Variants in CSNK2A2IP observed in about 807,000 individuals in gnomAD.
The protein encoded by CSNK2A2IP is casein kinase 2 subunit alpha' interacting protein.
chr3:88,455,237 G>A, the CSNK2A2IP span, among the ~76,000 whole-genome samples: 8 of 152,050 alleles, frequency 5.3e-5, no homozygotes, highest in South Asian at 1.7e-3. Context: ...ATACCTAGAA[G>A]TGGAATTGCT....
chr3:88,398,765 G>T, the CSNK2A2IP span, among the ~76,000 whole-genome samples: 1 of 152,120 alleles, frequency 6.6e-6, no homozygotes, highest in Non-Finnish European at 1.5e-5. Flanking sequence ...TTCAACAGGA[G>T]CCTTATATAG....
At chr3:88,423,220 T>A in the CSNK2A2IP span, among the ~76,000 whole-genome samples, 1 of 152,222 alleles carries the variant, frequency 6.6e-6, no homozygotes, top group Non-Finnish European at 1.5e-5. Flanking sequence ...TATCATTTTT[T>A]AAATTCATTG....
At chr3:88,354,462 T>C in the CSNK2A2IP span, among the ~76,000 whole-genome samples, 12 of 152,214 alleles carry the variant, frequency 7.9e-5, no homozygotes, top group African/African-American at 2.9e-4. Context: ...AACAGAAGCA[T>C]AAAGGTTGAG....
At chr3:88,406,688 G>A in the CSNK2A2IP span, among the ~76,000 whole-genome samples, 2 of 152,120 alleles carry the variant, frequency 1.3e-5, no homozygotes, top group South Asian at 2.1e-4. Flanking sequence ...ATAAAATTGT[G>A]TATCTTTCTT....
At chr3:88,396,557 C>T in the CSNK2A2IP span, among the ~76,000 whole-genome samples, 1 of 152,110 alleles carries the variant, frequency 6.6e-6, no homozygotes, top group African/African-American at 2.4e-5. Context: ...CTATCCACAA[C>T]AAGGAACATG....
At chr3:88,416,494 C>A in the CSNK2A2IP span, among the ~76,000 whole-genome samples, 2 of 152,120 alleles carry the variant, frequency 1.3e-5, no homozygotes, top group Non-Finnish European at 2.9e-5. Flanking sequence ...TTCAGATAAA[C>A]AGATCAGATG....
At chr3:88,457,751 A>AAATAAAATC in the CSNK2A2IP span, among the ~76,000 whole-genome samples, 47 of 148,208 alleles carry the variant, frequency 3.2e-4, no homozygotes, top group Non-Finnish European at 3.0e-4. Context: ...AAAATAAAAT[A>AAATAAAATC]AAATCTAGTA....
At chr3:88,429,434 T>G in the CSNK2A2IP span, among the ~76,000 whole-genome samples, 1 of 152,220 alleles carries the variant, frequency 6.6e-6, no homozygotes, top group Non-Finnish European at 1.5e-5. Context: ...ATTCTGTGGC[T>G]CTTCTCTGTC....
the CSNK2A2IP span, among the ~76,000 whole-genome samples, chr3:88,429,053 C>A: frequency 6.7e-6 from 1 of 150,192 alleles, no homozygotes; most frequent in Non-Finnish European, 1.5e-5. Flanking sequence ...TAACACAATT[C>A]TTTTAACAAT....
At chr3:88,432,642 T>TA in the CSNK2A2IP span, among the ~76,000 whole-genome samples, 8 of 151,458 alleles carry the variant, frequency 5.3e-5, no homozygotes, top group African/African-American at 1.9e-4. Context: ...AAAATAGCTA[T>TA]AAAAACAATT....
the CSNK2A2IP span, among the ~76,000 whole-genome samples, chr3:88,359,680 T>C: frequency 6.6e-6 from 1 of 152,198 alleles, no homozygotes; most frequent in Non-Finnish European, 1.5e-5. Flanking sequence ...TTTCCAAAGT[T>C]CTTCTTGTTA....
the CSNK2A2IP span, among the ~76,000 whole-genome samples, chr3:88,421,344 T>TC: frequency 1.3e-5 from 2 of 152,148 alleles, no homozygotes; most frequent in Non-Finnish European, 2.9e-5. Context: ...CAGCACTGCC[T>TC]CCCATATGCA....
At chr3:88,379,298 G>A in the CSNK2A2IP span, among the ~76,000 whole-genome samples, 630 of 152,076 alleles carry the variant, frequency 4.1e-3, 6 homozygotes, top group Non-Finnish European at 5.9e-3. Context: ...CAGAATAAAC[G>A]CCTTGTCAAA....
At chr3:88,416,194 C>G in the CSNK2A2IP span, among the ~76,000 whole-genome samples, 1 of 151,068 alleles carries the variant, frequency 6.6e-6, no homozygotes, top group African/African-American at 2.4e-5. Flanking sequence ...AAGCTTGAAC[C>G]TGGGAGATGG....
At chr3:88,389,177 G>A in the CSNK2A2IP span, among the ~76,000 whole-genome samples, 2 of 151,846 alleles carry the variant, frequency 1.3e-5, no homozygotes, top group African/African-American at 2.4e-5. Flanking sequence ...ATTGGGTAAA[G>A]CTACAATTTA....
chr3:88,458,477 A>G, the CSNK2A2IP span, among the ~76,000 whole-genome samples: 2 of 151,870 alleles, frequency 1.3e-5, no homozygotes, highest in Non-Finnish European at 2.9e-5. Flanking sequence ...CTTTATCTGT[A>G]TGGCCAAATG....
At chr3:88,361,191 T>C in the CSNK2A2IP span, among the ~76,000 whole-genome samples, 1 of 152,170 alleles carries the variant, frequency 6.6e-6, no homozygotes, top group Non-Finnish European at 1.5e-5. Flanking sequence ...GTGTATTTAC[T>C]TTTACCAGTG....
the CSNK2A2IP span, among the ~76,000 whole-genome samples, chr3:88,389,311 C>G: frequency 6.6e-6 from 1 of 151,624 alleles, no homozygotes; most frequent in Admixed American, 6.6e-5. Flanking sequence ...AATGCTTCAT[C>G]AGGAGGAAGA....
chr3:88,445,494 A>T, the CSNK2A2IP span, among the ~76,000 whole-genome samples: 1 of 152,170 alleles, frequency 6.6e-6, no homozygotes, highest in Non-Finnish European at 1.5e-5. Flanking sequence ...ATTTTGTTAG[A>T]ACTATTATGT....
Sources: allele counts gnomAD v4.1 joint callset (sites outside exome capture counted in the v4.1 genomes callset), GRCh38; gene constraint gnomAD v4.1.1; transcripts MANE v1.5; gene names NCBI Gene and HGNC (gene_info 2026-07-23, HGNC 2026-07-21).